CRTC3: variants seen among roughly 807,000 people sequenced by gnomAD.
The protein encoded by CRTC3 is CREB-regulated transcription coactivator 3.
In CRTC3, 26 loss-of-function variants were observed where a neutral mutation model predicts 74.5. The ratio of observed to expected loss-of-function variants is 0.35; its 90% CI spans 0.26 to 0.48. The LOEUF (loss-of-function observed/expected upper bound fraction) is 0.48. CRTC3 is among the 20% of genes least tolerant of loss of function. CRTC3 has a pLI of 0.99. For synonymous variants in CRTC3, 377 were observed against 325.8 expected, an observed-to-expected ratio of 1.16 and a Z score of -1.69; for missense variants, 760 against 787.3, an observed-to-expected ratio of 0.97 and a Z score of 0.41.
intron 2 of CRTC3, among the ~76,000 whole-genome samples, chr15:90,554,545 A>G (rs1966873549): frequency 1.3e-5 from 2 of 152,140 alleles, no homozygotes; most frequent in Non-Finnish European, 2.9e-5. Context: ...TCCTGCTTCC[A>G]CTGCTGTAAT....
At position 90,634,074 on chromosome 15, in the gene CRTC3, T is replaced by TAC. The variant is rs529666670; in HGVS notation, c.1267-4370_1267-4369dup. Among the ~76,000 whole-genome samples, 51 of 152,108 alleles carry TAC rather than the reference T, an allele frequency of 3.4e-4. No homozygotes were observed. In the East Asian group the frequency reaches 6.8e-3, roughly 20 times the overall value. On this transcript the variant is annotated intron_variant, in intron 11 of 14. Transcript: ENST00000268184. ...AATTGCATAAAAGTAGAGAACATAA[T>TAC]ACAATAAGTCCTCCTATACCCATCA...
At chr15:90,566,148 C>G (rs879595105) in intron 2 of CRTC3, among the ~76,000 whole-genome samples, 2 of 152,196 alleles carry the variant, frequency 1.3e-5, no homozygotes, top group African/African-American at 2.4e-5. Context: ...AAAGGCTAAT[C>G]TAGAGCAAAG....
intron 8 of CRTC3, among the ~76,000 whole-genome samples, chr15:90,619,362 C>T (rs1337917836): frequency 6.6e-6 from 1 of 152,168 alleles, no homozygotes; most frequent in Non-Finnish European, 1.5e-5. Flanking sequence ...GAGGCTGAGG[C>T]AGGAGAATCG....
chr15:90,616,786 TC>T (rs947909078), intron 7 of CRTC3, among the ~76,000 whole-genome samples: 14 of 152,232 alleles, frequency 9.2e-5, no homozygotes, highest in African/African-American at 3.4e-4. Context: ...CCTGGAATGG[TC>T]CCTTTATACA....
At position 90,617,867 on chromosome 15, in the gene CRTC3, T is replaced by G. The variant is rs1968534799; in HGVS notation, c.614-16T>G. 2 of 1,589,088 alleles carry G rather than the reference T, an allele frequency of 1.3e-6. No homozygotes were observed. Among genetic ancestry groups the G allele is most frequent in the Non-Finnish European group, 1.7e-6 (2 of 1,157,654 alleles). On this transcript the variant is annotated splice_polypyrimidine_tract_variant and intron_variant, in intron 7 of 14. Coordinates refer to ENST00000268184, the MANE Select transcript of CRTC3 (RefSeq NM_022769.5). ...CTTCTCATGCAATGACTGTGCTGCT[T>G]TTTTTTTCCCTTTAGTAGCATCTTT...
At chr15:90,553,797 G>A (rs1165239553) in intron 2 of CRTC3, among the ~76,000 whole-genome samples, 1 of 152,122 alleles carries the variant, frequency 6.6e-6, no homozygotes, top group African/African-American at 2.4e-5. Context: ...TCCATTAATC[G>A]AAAATTTTCA....
At chr15:90,580,785 A>G (rs1967521579) in intron 2 of CRTC3, among the ~76,000 whole-genome samples, 2 of 151,994 alleles carry the variant, frequency 1.3e-5, no homozygotes, top group African/African-American at 2.4e-5. Flanking sequence ...GTCTCCAAAC[A>G]AGCGCCCAGA....
At chr15:90,549,445 T>A (rs1341611849) in intron 2 of CRTC3, among the ~76,000 whole-genome samples, 1 of 152,088 alleles carries the variant, frequency 6.6e-6, no homozygotes, top group Non-Finnish European at 1.5e-5. Context: ...ATCCAGCTAT[T>A]TGAAAATTTT....
At chr15:90,589,324 G>C (rs1335032833) in intron 2 of CRTC3, among the ~76,000 whole-genome samples, 1 of 151,768 alleles carries the variant, frequency 6.6e-6, no homozygotes, top group African/African-American at 2.4e-5. Context: ...CAAAGTGCTG[G>C]GATTACAGGC....
chr15:90,553,147 T>C (rs1176471282), intron 2 of CRTC3, among the ~76,000 whole-genome samples: 1 of 152,198 alleles, frequency 6.6e-6, no homozygotes, highest in Non-Finnish European at 1.5e-5. Flanking sequence ...CTATTTTATG[T>C]TGTTTCTTAT....
chr15:90,563,590 T>C (rs1199980844), intron 2 of CRTC3, among the ~76,000 whole-genome samples: 1 of 152,210 alleles, frequency 6.6e-6, no homozygotes, highest in Non-Finnish European at 1.5e-5. Flanking sequence ...CACAGACATC[T>C]TTCTGTATTG....
At chr15:90,602,653 AAACAACAACAAC>A (rs145435527) in intron 4 of CRTC3, among the ~76,000 whole-genome samples, 4 of 150,260 alleles carry the variant, frequency 2.7e-5, no homozygotes, top group African/African-American at 4.9e-5. Flanking sequence ...CAAACAAACA[AAACAACAACAAC>A]AACAACAACA....
chr15:90,566,394 A>G (rs6496692), intron 2 of CRTC3, among the ~76,000 whole-genome samples: 103,014 of 151,626 alleles, frequency 0.68, 36,251 homozygotes, highest in Non-Finnish European at 0.77. Context: ...TACTAAAAAT[A>G]CAAAAATTAG....
intron 2 of CRTC3, among the ~76,000 whole-genome samples, chr15:90,591,424 A>T (rs752706086): frequency 2.6e-5 from 4 of 152,054 alleles, no homozygotes; most frequent in Admixed American, 1.3e-4. Context: ...CCAGCTAGAA[A>T]ATTTAATAGG....
chr15:90,622,554 C>G (rs1384460891), intron 9 of CRTC3, among the ~76,000 whole-genome samples: 3 of 152,090 alleles, frequency 2.0e-5, no homozygotes, highest in Non-Finnish European at 2.9e-5. Flanking sequence ...TTCCAGCCAT[C>G]TAAGACAAAA....
chr15:90,567,297 C>T (rs1967144281), intron 2 of CRTC3, among the ~76,000 whole-genome samples: 1 of 152,120 alleles, frequency 6.6e-6, no homozygotes, highest in African/African-American at 2.4e-5. Flanking sequence ...TTTAAGCCCA[C>T]TGTTGAGACC....
intron 2 of CRTC3, among the ~76,000 whole-genome samples, chr15:90,589,619 G>T (rs547494573): frequency 6.8e-4 from 103 of 152,184 alleles, no homozygotes; most frequent in African/African-American, 2.4e-3. Flanking sequence ...TTGGCCTCCC[G>T]CAATGCTAGG....
chr15:90,534,731 G>T (rs1373427130), intron 1 of CRTC3, among the ~76,000 whole-genome samples: 1 of 152,222 alleles, frequency 6.6e-6, no homozygotes, highest in African/African-American at 2.4e-5. Flanking sequence ...CCATTAGAAA[G>T]GCCATGGATG....
Position 90,529,951 on chromosome 15 carries a change from CG to C in CRTC3, c.-118del. On this transcript the variant is annotated 5_prime_UTR_variant, in exon 1 of 15. Transcript: ENST00000268184. ...TCCGGGGCCGCGGCGGCTCCTCTGC[CG>C]GGTCGCGCCGGACGACTGGCTTCGG... The C allele has an allele frequency of 3.9e-6, 3 of 768,542 alleles. No homozygotes were observed. The highest frequency in any genetic ancestry group is 4.9e-6 in the Non-Finnish European group (3 of 612,612). The allele number at this position is 768,542 out of a possible 1,614,324, so 47.6% of individuals were successfully genotyped here.
Sources: gnomAD v4.1 joint callset for allele counts (sites outside exome capture counted in the v4.1 genomes callset) on GRCh38, gnomAD v4.1.1 for gene constraint, MANE v1.5 for transcripts, NCBI Gene and HGNC (gene_info 2026-07-23, HGNC 2026-07-21) for gene names.